Variants in HTT observed in about 807,000 individuals in gnomAD.
HTT encodes huntingtin, also known as huntington disease protein.
HTT carries 104 observed loss-of-function variants against 362.3 expected under a neutral mutation model. The ratio of observed to expected loss-of-function variants is 0.29; its 90% CI spans 0.24 to 0.34. The LOEUF (loss-of-function observed/expected upper bound fraction) is 0.34. Among genes scored for constraint, HTT ranks in the 10% least tolerant of loss-of-function variants. The pLI, the probability that HTT is intolerant of heterozygous loss-of-function variation, is 1.00. For synonymous variants in HTT, 1,577 were observed against 1,548.7 expected, an observed-to-expected ratio of 1.02 and a Z score of -0.43; for missense variants, 3,301 against 3,928.6, an observed-to-expected ratio of 0.84 and a Z score of 4.27.
In HTT at chr4:3,145,174, G is replaced by A. The variant is rs765355875; in HGVS notation, c.3089G>A (p.Cys1030Tyr). The stretch of plus-strand genomic sequence containing the variant: ...CAGTTTGGATGCTGTGAAGCTTTGT[G>A]TCTTCTTTCCACTGCCTTCCCAGTT... The part of the protein sequence containing the change: ...ALTFGCCEAL[C>Y]LLSTAFPVCI... Residue 1030 changes from cysteine to tyrosine, a missense_variant, in exon 24 of 67, where the codon TGT becomes TAT. Physicochemically the swap from Cys to Tyr is radical, Grantham distance 194. Around this residue, in one of 4 missense-constraint regions of HTT, gnomAD observed 2,316 missense variants for 2,658.5 expected, o/e 0.87. Transcript: ENST00000355072. 1 of 1,613,776 alleles carries A rather than the reference G, an allele frequency of 6.2e-7. No homozygotes were observed. Among genetic ancestry groups the A allele is most frequent in the African/African-American group, 1.3e-5 (1 of 74,928 alleles).
In HTT at chr4:3,088,701, C is replaced by T. The variant is rs551450332; in HGVS notation, c.347+1679C>T. Among the ~76,000 whole-genome samples, 5 of 152,068 alleles carry T rather than the reference C, an allele frequency of 3.3e-5. No individual in the cohort carries two copies. In the South Asian group the frequency reaches 6.2e-4, roughly 19 times the overall value. On this transcript the variant is annotated intron_variant, in intron 2 of 66. Coordinates refer to ENST00000355072, the MANE Select transcript of HTT (RefSeq NM_001388492.1). ...TTCTGTCTGTATGAGTGTAACTGCT[C>T]TGGAGACCTCATGTAAGTGGATTCC...
chr4:3,133,895 G>T (rs1020017692), intron 18 of HTT, among the ~76,000 whole-genome samples: 1 of 152,126 alleles, frequency 6.6e-6, no homozygotes, highest in African/African-American at 2.4e-5. Context: ...GCTAGCTGGG[G>T]GTCTTTGTGT....
intron 2 of HTT, among the ~76,000 whole-genome samples, chr4:3,091,615 C>T (rs1560543140): frequency 6.6e-6 from 1 of 152,174 alleles, no homozygotes; most frequent in Non-Finnish European, 1.5e-5. Context: ...CCTGTCGGCA[C>T]CTTGTTCTCC....
At chr4:3,116,783 A>T (rs1237468379) in intron 8 of HTT, among the ~76,000 whole-genome samples, 1 of 152,222 alleles carries the variant, frequency 6.6e-6, no homozygotes, top group Non-Finnish European at 1.5e-5. Flanking sequence ...CCTTGCAGTA[A>T]TTCTAATGTA....
intron 61 of HTT, among the ~76,000 whole-genome samples, chr4:3,234,021 C>A (rs1560606659): frequency 6.6e-6 from 1 of 152,202 alleles, no homozygotes; most frequent in Non-Finnish European, 1.5e-5. Flanking sequence ...TCATCAGCCA[C>A]CCACATGGGG....
chr4:3,208,168 G>T (rs548287602), intron 45 of HTT, among the ~76,000 whole-genome samples: 1 of 152,294 alleles, frequency 6.6e-6, no homozygotes, highest in South Asian at 2.1e-4. Flanking sequence ...GACAGTTTGG[G>T]ATGATTTTTC....
intron 40 of HTT, among the ~76,000 whole-genome samples, chr4:3,192,641 T>C (rs1421995906): frequency 6.6e-6 from 1 of 152,218 alleles, no homozygotes; most frequent in Non-Finnish European, 1.5e-5. Context: ...GATGGTCTGC[T>C]GCAAGGGATA....
chr4:3,104,225 C>G (rs1714302079), intron 4 of HTT, among the ~76,000 whole-genome samples: 1 of 152,048 alleles, frequency 6.6e-6, no homozygotes, highest in Non-Finnish European at 1.5e-5. Context: ...TCTCAAACTC[C>G]TGACCTCAGG....
At position 3,218,056 on chromosome 4, in the gene HTT, GA is replaced by G; in HGVS notation, c.7242+105del. 1.2e-5 allele frequency: 12 copies of G among 989,858 alleles called. No individual in the cohort carries two copies. The highest frequency in any genetic ancestry group is 3.4e-5 in the South Asian group (2 of 58,104). The allele number at this position is 989,858 out of a possible 1,614,324, so 61.3% of individuals were successfully genotyped here. On this transcript the variant is annotated intron_variant, in intron 52 of 66. Transcript: ENST00000355072. The surrounding 1 kb of genome is among the most constrained non-coding windows in gnomAD (Gnocchi z 4.4). ...GGCGGGACAGAATCCCCGCAGCCCA[GA>G]GGCTGCCTGCTGTGGTTCTGGTGCC...
At chr4:3,189,675 G>A (rs183817848) in intron 40 of HTT, among the ~76,000 whole-genome samples, 8 of 152,282 alleles carry the variant, frequency 5.3e-5, no homozygotes, top group Non-Finnish European at 7.4e-5. Flanking sequence ...ATGAATGGTG[G>A]TGATGGTTGT....
At position 3,204,411 on chromosome 4, in the gene HTT, C is replaced by T. The variant is rs142456969; in HGVS notation, c.5718+263C>T. On this transcript the variant is annotated intron_variant, in intron 42 of 66. Coordinates refer to ENST00000355072, the MANE Select transcript of HTT (RefSeq NM_001388492.1). ...CATTTATCAAATGCCCGGCTATTGG[C>T]TCACGCCTACATGATGCTGGGTATG... Among the ~76,000 whole-genome samples the T allele has an allele frequency of 1.0e-3, 155 of 152,290 alleles. 1 individual carries two copies. Among genetic ancestry groups the T allele is most frequent in the Non-Finnish European group, 1.3e-3 (91 of 68,030 alleles).
intron 64 of HTT, among the ~76,000 whole-genome samples, chr4:3,238,135 G>A (rs531498324): frequency 6.6e-6 from 1 of 152,316 alleles, no homozygotes; most frequent in East Asian, 1.9e-4. Flanking sequence ...CAGGCTTTAC[G>A]TAGCTTTCAA....
chr4:3,142,972 G>A (rs964734080), intron 23 of HTT, 86 bp downstream of exon 23: 2 of 1,032,396 alleles, frequency 1.9e-6, no homozygotes, highest in African/African-American at 1.6e-5. Context: ...GTCATCTTAC[G>A]GTGAGGTGCT....
rs546801504 is a variant in HTT at position 3,095,763 on chromosome 4, A to G, written c.348-3511A>G. On this transcript the variant is annotated intron_variant, in intron 2 of 66. Transcript: ENST00000355072. ...CAATTAAGCAACAACTAAAAGCACAACAAGGAATTATAGCTAATGAACCAA... is the reference window on the plus strand; with the variant it reads ...CAATTAAGCAACAACTAAAAGCACAGCAAGGAATTATAGCTAATGAACCAA... Among the ~76,000 whole-genome samples the G allele has an allele frequency of 2.0e-5, 3 of 152,358 alleles. No individual in the cohort carries two copies. The South Asian group carries it at 6.2e-4, about 32-fold the overall frequency.
At chr4:3,192,127 C>T (rs1719040215) in intron 40 of HTT, among the ~76,000 whole-genome samples, 1 of 152,040 alleles carries the variant, frequency 6.6e-6, no homozygotes, top group African/African-American at 2.4e-5. Context: ...AGTGCAGTGG[C>T]ATGAAGTGCA....
intron 53 of HTT, among the ~76,000 whole-genome samples, chr4:3,222,092 TC>T (rs1039138374): frequency 7.2e-5 from 11 of 152,368 alleles, no homozygotes; most frequent in African/African-American, 2.4e-4. Context: ...CCCTGCCCTG[TC>T]CCTGTGTCTG....
At chr4:3,083,842 T>C (rs552124248) in intron 1 of HTT, among the ~76,000 whole-genome samples, 11 of 152,272 alleles carry the variant, frequency 7.2e-5, no homozygotes, top group African/African-American at 2.2e-4. Flanking sequence ...TACTCAAGTA[T>C]GCATAGCAGC....
chr4:3,105,514 A>G, intron 5 of HTT, 78 bp downstream of exon 5: 1 of 995,390 alleles, frequency 1.0e-6, no homozygotes, highest in Non-Finnish European at 1.6e-6. Flanking sequence ...CTCAGATGTC[A>G]TTTCAAAAGT....
At chr4:3,176,025 G>GTTGTT (rs1718222280) in intron 33 of HTT, among the ~76,000 whole-genome samples, 1 of 139,130 alleles carries the variant, frequency 7.2e-6, no homozygotes, top group African/African-American at 3.0e-5. Context: ...GTTGTTGTTT[G>GTTGTT]TTTTTTTTTG....
Sources: allele counts gnomAD v4.1 joint callset (sites outside exome capture counted in the v4.1 genomes callset), GRCh38; gene constraint gnomAD v4.1.1; regional missense constraint gnomAD v4.1.1; non-coding constraint Gnocchi (gnomAD v3.1); transcripts MANE v1.5; gene names NCBI Gene and HGNC (gene_info 2026-07-23, HGNC 2026-07-21).